EIF2AK1: variants seen among roughly 807,000 people sequenced by gnomAD.
EIF2AK1 encodes the protein eukaryotic translation initiation factor 2 alpha kinase 1.
A neutral mutation model predicts 77.9 loss-of-function variants in EIF2AK1; 54 were observed. The observed-to-expected ratio is 0.69, with a 90% CI of 0.56 to 0.87. EIF2AK1 has a LOEUF of 0.87. Ranked by LOEUF, EIF2AK1 falls within the 40% of genes least tolerant of loss-of-function variation. The pLI is 0.00. For missense variants in EIF2AK1, 810 were observed against 768.6 expected, an observed-to-expected ratio of 1.05 and a Z score of -0.64; for synonymous variants, 314 against 290.5, an observed-to-expected ratio of 1.08 and a Z score of -0.82.
chr7:6,046,328 T>C, intron 5 of EIF2AK1, 177 bp from the exon 6 acceptor site: 2 of 374,482 alleles, frequency 5.3e-6, no homozygotes, highest in Non-Finnish European at 9.5e-6. Flanking sequence ...TTTCAGATAG[T>C]GTTGGAAGTC....
At chr7:6,053,792 C>G (rs933534769) in intron 2 of EIF2AK1, among the ~76,000 whole-genome samples, 9 of 151,546 alleles carry the variant, frequency 5.9e-5, no homozygotes, top group Non-Finnish European at 1.2e-4. Flanking sequence ...CTCAGCCTCC[C>G]AAGTAGCTGA....
In EIF2AK1 at chr7:6,047,111, A is replaced by C. The variant is rs746709484; in HGVS notation, c.450-20T>G. 6 of 1,594,738 alleles carry C rather than the reference A, an allele frequency of 3.8e-6. 1 individual carries two copies. In the South Asian group the frequency reaches 6.6e-5, roughly 18 times the overall value. On this transcript the variant is annotated intron_variant, in intron 4 of 14. Coordinates refer to ENST00000199389, the MANE Select transcript of EIF2AK1 (RefSeq NM_014413.4). ...CTTGATCTGAAAGTTAAATACAAAC[A>C]ATCAATATTAAAACATGAGAGAATC...
rs150082701 is a variant in EIF2AK1, at chr7:6,026,914, C to T, written c.1578G>A (p.Pro526=). 28 of 1,613,898 alleles carry T rather than the reference C, an allele frequency of 1.7e-5. No individual in the cohort carries two copies. The highest frequency in any genetic ancestry group is 1.6e-4 in the Middle Eastern group (1 of 6,082). The part of the protein sequence containing the change: ...LGVVLLELFQ[P]FGTEMERAEV... ...CTGCTCGCTCCATTTCTGTTCCAAA[C>T]GGCTGAAAGAGCTCTAGCAGGACCA... The change falls in exon 14 of 15, where the codon CCG becomes CCA. Residue 526 remains proline, a synonymous_variant. Coordinates refer to ENST00000199389, the MANE Select transcript of EIF2AK1 (RefSeq NM_014413.4).
At chr7:6,024,839 CTTTTT>C in intron 14 of EIF2AK1, 38 bp from the exon 15 acceptor site, 28 of 1,112,382 alleles carry the variant, frequency 2.5e-5, no homozygotes, top group East Asian at 9.4e-5. Context: ...ATTAAAATAA[CTTTTT>C]TTTTTTTTTT....
In EIF2AK1 at chr7:6,045,877, CA is replaced by C. The variant is rs555801187; in HGVS notation, c.630+193del. Among the ~76,000 whole-genome samples, 14 of 151,610 alleles carry C rather than the reference CA, an allele frequency of 9.2e-5. No homozygotes were observed. The South Asian group carries it at 2.9e-3, about 32-fold the overall frequency. ...TCACGCCACTTTACTCCAACCTGGC[CA>C]AAAGAGTGAAACTCCATCTCAAAAC... On this transcript the variant is annotated intron_variant, in intron 6 of 14. Coordinates refer to ENST00000199389, the MANE Select transcript of EIF2AK1 (RefSeq NM_014413.4).
Position 6,023,135 on chromosome 7 carries a change from C to A in EIF2AK1, c.*1538G>T. The A allele has an allele frequency of 1.3e-6, 1 of 764,242 alleles. No individual in the cohort carries two copies. Among genetic ancestry groups the A allele is most frequent in the Non-Finnish European group, 2.0e-6 (1 of 495,610 alleles). The allele number at this position is 764,242 out of a possible 1,614,324, so 47.3% of individuals were successfully genotyped here. A position where few individuals can be genotyped will look rare whatever the true frequency, so the allele number is the denominator to read the frequency against. ...ACATAGTTTGCACTTAAACCCTTTT[C>A]AGTAGTAAGCATCTTAGAGACAGAC... On this transcript the variant is annotated 3_prime_UTR_variant, in exon 15 of 15. Transcript: ENST00000199389.
chr7:6,032,965 T>C lies in EIF2AK1; in HGVS notation c.1333-3933A>G, dbSNP rs1405410457. On this transcript the variant is annotated intron_variant, in intron 11 of 14. Transcript: ENST00000199389. This position sits in a 1 kb window ranked among gnomAD's most constrained non-coding sequence, Gnocchi z 4.3. The stretch of plus-strand genomic sequence containing the variant: ...AGTTAACTCCACCGAAAATCATTTC[T>C]TTTTTTTTCTTTTTTGTTTTGAGGC... The C allele has an allele frequency of 2.0e-6, 3 of 1,505,954 alleles. No homozygotes were observed. 93.3% of individuals were successfully genotyped at this position (1,505,954 alleles called of 1,614,324 possible). A position where few individuals can be genotyped will look rare whatever the true frequency, so the allele number is the denominator to read the frequency against.
chr7:6,038,586 C>T lies in EIF2AK1; in HGVS notation c.1205G>A (p.Gly402Asp), dbSNP rs771057283. 2.5e-6 allele frequency: 4 copies of T among 1,612,870 alleles called. No individual in the cohort carries two copies. Among genetic ancestry groups the T allele is most frequent in the African/African-American group, 1.3e-5 (1 of 74,868 alleles). ...GGCAGACTCGTCCACATACTCCCGGCCCCGCTTGTTTCTCTCGACTATCCA... is the reference window on the plus strand; with the variant it reads ...GGCAGACTCGTCCACATACTCCCGGTCCCGCTTGTTTCTCTCGACTATCCA... ...WDWIVERNKR[G>D]REYVDESACP... The change falls in exon 10 of 15, where the codon GGC becomes GAC. Residue 402 changes from glycine (G) to aspartate (D), a missense_variant. Physicochemically the swap from Gly to Asp is moderately conservative, Grantham distance 94. This residue lies in a region of EIF2AK1 where 549 missense variants were observed against 533.7 expected (regional missense o/e 1.03). Transcript: ENST00000199389.
In EIF2AK1 at chr7:6,026,844, G is replaced by A. The variant is rs747654385; in HGVS notation, c.1648C>T (p.Arg550Cys). The change falls in exon 14 of 15, where the codon CGT becomes TGT. Residue 550 changes from arginine (R) to cysteine (C), a missense_variant. By Grantham distance (180) the Arg-to-Cys change is radical. Transcript: ENST00000199389. ...LRTGQLPESL[R>C]KRCPVQAKYI... is the part of the protein sequence containing the mutation. ...TTGGCTTGCACTGGACACCTTTTAC[G>A]GAGGGATTCCGGCAACTGACCAGTT... is the stretch of plus-strand genomic sequence containing the variant. 33 of 1,614,018 alleles carry A rather than the reference G, an allele frequency of 2.0e-5. No homozygotes were observed. The highest frequency in any genetic ancestry group is 1.6e-4 in the Middle Eastern group (1 of 6,084).
Position 6,023,747 on chromosome 7 carries a change from C to T in EIF2AK1, c.*926G>A. On this transcript the variant is annotated 3_prime_UTR_variant, in exon 15 of 15. Transcript: ENST00000199389. ...TTTTAAGAATGGTGCTCTTTCATGCCTATTATCAGTAAGGGGACTTGTATT... is the reference window on the plus strand; with the variant it reads ...TTTTAAGAATGGTGCTCTTTCATGCTTATTATCAGTAAGGGGACTTGTATT... The T allele has an allele frequency of 6.2e-7, 1 of 1,612,776 alleles. No homozygotes were observed. Among genetic ancestry groups the T allele is most frequent in the Non-Finnish European group, 8.5e-7 (1 of 1,179,308 alleles).
chr7:6,045,348 T>C (rs1788416132), intron 6 of EIF2AK1, among the ~76,000 whole-genome samples: 1 of 152,116 alleles, frequency 6.6e-6, no homozygotes, highest in South Asian at 2.1e-4. Context: ...TCAAGTGATC[T>C]GCCTGCCTTC....
chr7:6,047,135 T>G, intron 4 of EIF2AK1, 44 bp from the exon 5 acceptor site: 5 of 1,503,702 alleles, frequency 3.3e-6, no homozygotes, highest in Non-Finnish European at 4.6e-6. Flanking sequence ...CATGAGAGAA[T>G]CAAAATGTTC....
intron 3 of EIF2AK1, 60 bp downstream of exon 3, chr7:6,049,852 A>G: frequency 6.9e-7 from 1 of 1,452,640 alleles, no homozygotes; most frequent in Non-Finnish European, 9.4e-7. Flanking sequence ...TTTAAAATAT[A>G]ATTATCTTAA....
At chr7:6,044,840 TGA>T (rs1788400619) in intron 6 of EIF2AK1, among the ~76,000 whole-genome samples, 179 bp from the exon 7 acceptor site, 1 of 152,038 alleles carries the variant, frequency 6.6e-6, no homozygotes, top group South Asian at 2.1e-4. Context: ...ATGCGGTGCA[TGA>T]GATATATGGT....
chr7:6,031,187 C>T (rs1045219525), intron 11 of EIF2AK1, among the ~76,000 whole-genome samples: 3 of 152,118 alleles, frequency 2.0e-5, no homozygotes, highest in African/African-American at 4.8e-5. Flanking sequence ...AAACTGCTGA[C>T]ATTTGACATT....
At position 6,035,388 on chromosome 7, in the gene EIF2AK1, C is replaced by T. The variant is rs528304867; in HGVS notation, c.1332+2036G>A. On this transcript the variant is annotated intron_variant, in intron 11 of 14. Transcript: ENST00000199389. The surrounding 1 kb of genome is among the most constrained non-coding windows in gnomAD (Gnocchi z 5.5). ...TGGCTTCTTAAGCATTAACTGTCCA[C>T]GTAGAGCCGTTCCCACTGTGAATTC... 1.0e-5 allele frequency: 15 copies of T among 1,464,656 alleles called. No homozygotes were observed. The highest frequency in any genetic ancestry group is 2.0e-5 in the Admixed American group (1 of 48,846). The allele number at this position is 1,464,656 out of a possible 1,614,324, so 90.7% of individuals were successfully genotyped here.
At position 6,049,916 on chromosome 7, in the gene EIF2AK1, C is replaced by G. The variant is rs200737688; in HGVS notation, c.407G>C (p.Arg136Pro). The G allele has an allele frequency of 6.2e-7, 1 of 1,608,348 alleles. No individual in the cohort carries two copies. Among genetic ancestry groups the G allele is most frequent in the South Asian group, 1.1e-5 (1 of 89,102 alleles). The change falls in exon 3 of 15, where the codon CGT becomes CCT. Residue 136 changes from arginine (R) to proline (P), a missense_variant. Physicochemically the swap from Arg to Pro is moderately radical, Grantham distance 103. Coordinates refer to ENST00000199389, the MANE Select transcript of EIF2AK1 (RefSeq NM_014413.4). Reference protein sequence around the residue: ...HLMRSAKERVRQDPCEDISRI... With the variant: ...HLMRSAKERVPQDPCEDISRI... Reference sequence around the variant, plus strand: ...AGTATATTTTTTAGGGCTTACCTGACGAACTCTCTCTTTAGCAGACCTCAT... The same window carrying G: ...AGTATATTTTTTAGGGCTTACCTGAGGAACTCTCTCTTTAGCAGACCTCAT...
In EIF2AK1 at chr7:6,023,437, G is replaced by A. The variant is rs1787598281; in HGVS notation, c.*1236C>T. 6.2e-7 allele frequency: 1 copy of A among 1,614,224 alleles called. No individual in the cohort carries two copies. The highest frequency in any genetic ancestry group is 8.5e-7 in the Non-Finnish European group (1 of 1,180,034). ...CAACGCAACCCTTATAGATAGCTGG[G>A]TAGATATTGCGATTTTTCAGTTAAA... is the stretch of plus-strand genomic sequence containing the variant. On this transcript the variant is annotated 3_prime_UTR_variant, in exon 15 of 15. Coordinates refer to ENST00000199389, the MANE Select transcript of EIF2AK1 (RefSeq NM_014413.4).
intron 11 of EIF2AK1, chr7:6,031,547 A>G: frequency 6.4e-7 from 1 of 1,550,708 alleles, no homozygotes; most frequent in Non-Finnish European, 8.7e-7. Context: ...CCAGCCCATC[A>G]CCATTCTGCC....
Sources: allele counts gnomAD v4.1 joint callset (sites outside exome capture counted in the v4.1 genomes callset), GRCh38; gene constraint gnomAD v4.1.1; regional missense constraint gnomAD v4.1.1; non-coding constraint Gnocchi (gnomAD v3.1); transcripts MANE v1.5; gene names NCBI Gene and HGNC (gene_info 2026-07-23, HGNC 2026-07-21).